The following WDFY3 variants were observed in gnomAD, a reference collection of about 807,000 sequenced individuals.
WDFY3 encodes WD repeat and FYVE domain-containing protein 3.
WDFY3 carries 66 observed loss-of-function variants against 409.6 expected under a neutral mutation model. The ratio of observed to expected loss-of-function variants is 0.16; its 90% CI spans 0.13 to 0.20. The LOEUF is 0.20. Among genes scored for constraint, WDFY3 ranks in the 10% least tolerant of loss-of-function variants. The pLI, the probability that WDFY3 is intolerant of heterozygous loss-of-function variation, is 1.00. For missense variants in WDFY3, 3,031 were observed against 4,298.1 expected (o/e 0.71, Z 8.24); for synonymous variants, 1,521 against 1,537.1 (o/e 0.99, Z 0.25).
At chr4:84,762,563 T>C (rs1742844279) in intron 32 of WDFY3, among the ~76,000 whole-genome samples, 1 of 151,694 alleles carries the variant, frequency 6.6e-6, no homozygotes, top group African/African-American at 2.4e-5. Flanking sequence ...TGTATACATA[T>C]GTAACTAACC....
Position 84,914,417 on chromosome 4 carries a change from AACAAAACAAG to A in WDFY3, c.-131-17417_-131-17408del, listed in dbSNP as rs1211172300. 5.3e-5 allele frequency among the ~76,000 whole-genome samples: 8 copies of A among 152,244 alleles called. No homozygotes were observed. The East Asian group carries it at 1.5e-3, about 29-fold the overall frequency. On this transcript the variant is annotated intron_variant, in intron 2 of 67. Transcript: ENST00000295888. Reference sequence around the variant, plus strand: ...CAACAGTGTGAGACTCCGTCTCAAAAACAAAACAAGACAAAACAAAACAAAACAAAAAAAA... The same window carrying A: ...CAACAGTGTGAGACTCCGTCTCAAAAACAAAACAAAACAAAACAAAAAAAA...
Position 84,755,376 on chromosome 4 carries a change from A to C in WDFY3, c.5449T>G (p.Phe1817Val). 6.2e-7 allele frequency: 1 copy of C among 1,610,106 alleles called. No homozygotes were observed. The highest frequency in any genetic ancestry group is 1.1e-5 in the South Asian group (1 of 90,206). The change falls in exon 34 of 68, where the codon TTC becomes GTC. Residue 1817 changes from phenylalanine (F) to valine (V), a missense_variant. Transcript: ENST00000295888. ...CTGGAGGCAGGAACTCCAAAGATGA[A>C]TGTCCAAATGGAATCCAAATCAAAC... ...CQFDLDSIWT[F>V]IFGVPASSGT...
intron 2 of WDFY3, among the ~76,000 whole-genome samples, chr4:84,911,694 T>C (rs1191982071): frequency 6.6e-6 from 1 of 152,094 alleles, no homozygotes; most frequent in Non-Finnish European, 1.5e-5. Context: ...CTAGGAATAT[T>C]GAAAAAATTA....
chr4:84,844,498 C>A (rs1271433672), intron 5 of WDFY3: 1 of 1,289,614 alleles, frequency 7.8e-7, no homozygotes, highest in East Asian at 5.6e-5. Flanking sequence ...GACAGCAGGG[C>A]ACACTGTTTT....
intron 1 of WDFY3, among the ~76,000 whole-genome samples, chr4:84,937,028 G>A (rs902358270): frequency 6.6e-5 from 10 of 151,958 alleles, no homozygotes; most frequent in Non-Finnish European, 1.3e-4. Context: ...AAAACCTCTC[G>A]ACTCCTTATA....
chr4:84,849,819 T>C, intron 5 of WDFY3, 83 bp downstream of exon 5: 1 of 1,560,142 alleles, frequency 6.4e-7, no homozygotes, highest in Non-Finnish European at 8.7e-7. Flanking sequence ...CAAGGTCTGT[T>C]TTCCATTTAA....
intron 53 of WDFY3, among the ~76,000 whole-genome samples, chr4:84,706,938 CTTTTTTT>C (rs1229485318): frequency 2.2e-5 from 3 of 134,872 alleles, no homozygotes; most frequent in African/African-American, 8.4e-5. Flanking sequence ...ATTTTTACTT[CTTTTTTT>C]TTTTTTTTTT....
chr4:84,868,028 G>T (rs1578891827), intron 3 of WDFY3, among the ~76,000 whole-genome samples: 1 of 151,692 alleles, frequency 6.6e-6, no homozygotes, highest in Admixed American at 6.6e-5. Flanking sequence ...AATTAGCCGG[G>T]GATGGTGTCA....
intron 3 of WDFY3, among the ~76,000 whole-genome samples, chr4:84,866,911 T>C (rs1010286581): frequency 1.3e-5 from 2 of 152,208 alleles, no homozygotes; most frequent in Non-Finnish European, 2.9e-5. Flanking sequence ...ATTTAAAACA[T>C]AATTCAGACG....
chr4:84,763,939 G>C (rs1207932823), intron 32 of WDFY3, among the ~76,000 whole-genome samples: 2 of 152,172 alleles, frequency 1.3e-5, no homozygotes, highest in Non-Finnish European at 2.9e-5. Flanking sequence ...CAGATTCTTA[G>C]AGAGTATTAC....
chr4:84,823,583 A>G (rs1208135673), intron 10 of WDFY3, among the ~76,000 whole-genome samples: 2 of 152,170 alleles, frequency 1.3e-5, no homozygotes, highest in Non-Finnish European at 2.9e-5. Flanking sequence ...AAGAACTCTT[A>G]TAACTCCAGT....
At chr4:84,932,593 T>C (rs962412918) in intron 1 of WDFY3, among the ~76,000 whole-genome samples, 6 of 152,212 alleles carry the variant, frequency 3.9e-5, no homozygotes, top group East Asian at 3.9e-4. Context: ...TTCTTCATTT[T>C]ACTGATAAGG....
chr4:84,799,618 A>T (rs543033895), intron 17 of WDFY3, among the ~76,000 whole-genome samples: 7 of 152,242 alleles, frequency 4.6e-5, no homozygotes, highest in African/African-American at 1.7e-4. Context: ...ATCTGCATGT[A>T]TTCTTTACTA....
At chr4:84,823,603 C>G (rs1754408285) in intron 10 of WDFY3, among the ~76,000 whole-genome samples, 2 of 152,004 alleles carry the variant, frequency 1.3e-5, no homozygotes, top group African/African-American at 4.8e-5. Context: ...TAAAACAACC[C>G]TATCAAACAA....
intron 3 of WDFY3, among the ~76,000 whole-genome samples, chr4:84,879,052 G>A (rs1353601997): frequency 6.6e-6 from 1 of 152,146 alleles, no homozygotes; most frequent in Non-Finnish European, 1.5e-5. Flanking sequence ...CCTTAAAAGT[G>A]ACAACAATGG....
rs185093093 is a variant in WDFY3, at chr4:84,718,993, C to T, written c.7606-423G>A. On this transcript the variant is annotated intron_variant, in intron 47 of 67. Coordinates refer to ENST00000295888, the MANE Select transcript of WDFY3 (RefSeq NM_014991.6). ...ATGATACAGAGTGAAAATTGCAGGGCCTGCTAACTCAGGGTAAATTTCCAG... is the reference window on the plus strand; with the variant it reads ...ATGATACAGAGTGAAAATTGCAGGGTCTGCTAACTCAGGGTAAATTTCCAG... Among the ~76,000 whole-genome samples the T allele has an allele frequency of 3.1e-3, 472 of 152,252 alleles. 3 individuals carry two copies. The highest frequency in any genetic ancestry group is 4.4e-3 in the Non-Finnish European group (302 of 68,012).
rs567306243 is a variant in WDFY3, at chr4:84,687,773, C to T, written c.9543+313G>A. 35 of 194,644 alleles carry T rather than the reference C, an allele frequency of 1.8e-4. No individual in the cohort carries two copies. In the South Asian group the frequency reaches 6.3e-3, roughly 35 times the overall value. 12.1% of individuals were successfully genotyped at this position (194,644 alleles called of 1,614,324 possible). A position where few individuals can be genotyped will look rare whatever the true frequency, so the allele number is the denominator to read the frequency against. On this transcript the variant is annotated intron_variant, in intron 62 of 67. Transcript: ENST00000295888. Reference sequence around the variant, plus strand: ...CCAGGCTGGAGTGCAATGGCTATCACAGGCACAGCCCACCACTGATCAGCA... The same window carrying T: ...CCAGGCTGGAGTGCAATGGCTATCATAGGCACAGCCCACCACTGATCAGCA...
chr4:84,678,134 T>G (rs767453678), intron 66 of WDFY3, 34 bp downstream of exon 66: 3 of 1,551,202 alleles, frequency 1.9e-6, no homozygotes, highest in Non-Finnish European at 2.7e-6. Context: ...ATGACTCAGA[T>G]GGGAAGCGGA....
chr4:84,813,688 G>A (rs766969324), intron 13 of WDFY3, among the ~76,000 whole-genome samples: 2 of 151,916 alleles, frequency 1.3e-5, no homozygotes, highest in Non-Finnish European at 2.9e-5. Context: ...TCAAAATTAC[G>A]GGTCAGCCAA....
Sources: allele counts gnomAD v4.1 joint callset (sites outside exome capture counted in the v4.1 genomes callset), GRCh38; gene constraint gnomAD v4.1.1; transcripts MANE v1.5; gene names NCBI Gene and HGNC (gene_info 2026-07-23, HGNC 2026-07-21).